DPYD: variants seen among roughly 807,000 people sequenced by gnomAD.
DPYD encodes the protein dihydropyrimidine dehydrogenase [NADP(+)].
A neutral mutation model predicts 116.2 loss-of-function variants in DPYD; 109 were observed. The ratio of observed to expected loss-of-function variants is 0.94; its 90% confidence interval spans 0.80 to 1.10. The LOEUF is 1.10. DPYD is among the 50% of genes least tolerant of loss of function. DPYD has a pLI of 0.00. For synonymous variants in DPYD, 440 were observed against 432.0 expected, an observed-to-expected ratio of 1.02 and a Z score of -0.23; for missense variants, 1,302 against 1,254.5, an observed-to-expected ratio of 1.04 and a Z score of -0.57.
intron 16 of DPYD, among the ~76,000 whole-genome samples, chr1:97,337,290 A>C (rs1226025871): frequency 6.6e-6 from 1 of 152,140 alleles, no homozygotes; most frequent in Non-Finnish European, 1.5e-5. Context: ...CCGAAAGGAG[A>C]AGTTCTTCTA....
chr1:97,433,004 A>C (rs10449723), intron 14 of DPYD, among the ~76,000 whole-genome samples: 125,409 of 152,006 alleles, frequency 0.83, 52,047 homozygotes, highest in East Asian at 0.88. Flanking sequence ...CTAGGTTTTT[A>C]GGTTGCTCGG....
At chr1:97,138,047 C>G (rs997385257) in intron 20 of DPYD, among the ~76,000 whole-genome samples, 2 of 152,130 alleles carry the variant, frequency 1.3e-5, no homozygotes, top group Non-Finnish European at 2.9e-5. Flanking sequence ...ACGGCTTTCA[C>G]AGGCTTTTTT....
intron 8 of DPYD, among the ~76,000 whole-genome samples, chr1:97,606,395 T>G (rs1186581926): frequency 6.6e-6 from 1 of 151,950 alleles, no homozygotes; most frequent in Admixed American, 6.6e-5. Flanking sequence ...GAAGGATGCA[T>G]AGGTTACCAC....
intron 13 of DPYD, among the ~76,000 whole-genome samples, chr1:97,460,575 T>C (rs1372176571): frequency 6.6e-6 from 1 of 152,218 alleles, no homozygotes; most frequent in Non-Finnish European, 1.5e-5. Context: ...AAGGTCTCTC[T>C]GGCCTTCTCC....
At chr1:97,491,439 T>G (rs1329143755) in intron 13 of DPYD, among the ~76,000 whole-genome samples, 1 of 151,872 alleles carries the variant, frequency 6.6e-6, no homozygotes, top group Admixed American at 6.6e-5. Flanking sequence ...CTAATTTTTG[T>G]ATATACTACG....
intron 13 of DPYD, among the ~76,000 whole-genome samples, chr1:97,500,427 AAATT>A (rs540508297): frequency 1.2e-3 from 179 of 152,188 alleles, no homozygotes; most frequent in African/African-American, 3.8e-3. Context: ...AGTGATATAT[AAATT>A]AATAATTAAA....
chr1:97,416,875 T>G (rs2101684702), intron 14 of DPYD, among the ~76,000 whole-genome samples: 1 of 152,288 alleles, frequency 6.6e-6, no homozygotes, highest in South Asian at 2.1e-4. Context: ...AAGGATTAGT[T>G]GTCAGCATTT....
intron 3 of DPYD, among the ~76,000 whole-genome samples, chr1:97,822,331 C>A (rs910337101): frequency 6.8e-6 from 1 of 147,150 alleles, no homozygotes; most frequent in African/African-American, 2.5e-5. Flanking sequence ...TGTATATATA[C>A]ACAGATTTTA....
chr1:97,140,731 GT>G (rs1464761826), intron 20 of DPYD, among the ~76,000 whole-genome samples: 1 of 152,072 alleles, frequency 6.6e-6, no homozygotes, highest in East Asian at 1.9e-4. Context: ...AGCAGAGATT[GT>G]TTAAATAAGA....
intron 18 of DPYD, among the ~76,000 whole-genome samples, chr1:97,238,934 A>C (rs950791696): frequency 3.3e-5 from 5 of 152,220 alleles, no homozygotes; most frequent in Admixed American, 2.6e-4. Context: ...GGAATCCTCC[A>C]ATAAAAATCA....
chr1:97,514,944 G>A (rs1211224846), intron 13 of DPYD, among the ~76,000 whole-genome samples: 4 of 151,792 alleles, frequency 2.6e-5, no homozygotes, highest in Admixed American at 2.0e-4. Flanking sequence ...TCTTTTCTTA[G>A]TCACTAAATT....
At chr1:97,440,488 T>A (rs568812900) in intron 14 of DPYD, among the ~76,000 whole-genome samples, 1 of 152,256 alleles carries the variant, frequency 6.6e-6, no homozygotes, top group East Asian at 1.9e-4. Flanking sequence ...GTTGGTTTTT[T>A]GGCTATAACT....
At chr1:97,826,252 C>T (rs1669239963) in intron 3 of DPYD, among the ~76,000 whole-genome samples, 1 of 152,108 alleles carries the variant, frequency 6.6e-6, no homozygotes, top group Non-Finnish European at 1.5e-5. Flanking sequence ...TTATGTATAA[C>T]GAAATTTGGC....
chr1:97,242,561 T>C (rs1662447756), intron 18 of DPYD, among the ~76,000 whole-genome samples: 1 of 151,700 alleles, frequency 6.6e-6, no homozygotes, highest in Admixed American at 6.6e-5. Context: ...AGTAAAGGGA[T>C]TGAAGACCTT....
At chr1:97,587,724 G>A (rs1654230520) in intron 10 of DPYD, among the ~76,000 whole-genome samples, 1 of 151,420 alleles carries the variant, frequency 6.6e-6, no homozygotes. Flanking sequence ...CTACTCAGGA[G>A]GCTGCAGGAG....
At chr1:97,193,308 T>TCA in intron 19 of DPYD, 60 bp from the exon 20 acceptor site, 4 of 1,530,814 alleles carry the variant, frequency 2.6e-6, no homozygotes, top group Non-Finnish European at 2.7e-6. Context: ...CCAAACAAAT[T>TCA]CACTTTTCTT....
At chr1:97,097,316 T>A (rs1300087757) in intron 21 of DPYD, among the ~76,000 whole-genome samples, 2 of 152,072 alleles carry the variant, frequency 1.3e-5, no homozygotes, top group Non-Finnish European at 2.9e-5. Context: ...TAGCATGAGA[T>A]ACATTTTTTT....
chr1:97,176,401 C>T (rs1264373413), intron 20 of DPYD, among the ~76,000 whole-genome samples: 1 of 152,126 alleles, frequency 6.6e-6, no homozygotes, highest in African/African-American at 2.4e-5. Context: ...TCATGCTCCC[C>T]TGGTCCCCAC....
Position 97,329,363 on chromosome 1 carries a change from C to T in DPYD, c.2059-23066G>A, listed in dbSNP as rs149999596. 4.6e-3 allele frequency among the ~76,000 whole-genome samples: 702 copies of T among 152,170 alleles called. 9 individuals are homozygous for T. Among genetic ancestry groups the T allele is most frequent in the African/African-American group, 0.016 (654 of 41,548 alleles). On this transcript the variant is annotated intron_variant, in intron 16 of 22. Transcript: ENST00000370192. ...GGATGTAATCAGCATTACAAATGTA[C>T]ACTGCTAACATTCTTTATTTTCAGT...
Sources: allele counts gnomAD v4.1 joint callset (sites outside exome capture counted in the v4.1 genomes callset), GRCh38; gene constraint gnomAD v4.1.1; transcripts MANE v1.5; gene names NCBI Gene and HGNC (gene_info 2026-07-23, HGNC 2026-07-21).